GMDS: variants seen among roughly 807,000 people sequenced by gnomAD.
The protein encoded by GMDS is GDP-mannose 4,6-dehydratase.
GMDS carries 20 observed loss-of-function variants against 49.9 expected under a neutral mutation model. The observed-to-expected ratio is 0.40, with a 90% CI of 0.28 to 0.58. The LOEUF is 0.58. Ranked by LOEUF, GMDS falls within the 20% of genes least tolerant of loss-of-function variation. The probability of loss-of-function intolerance (pLI) is 0.42; values close to 1 mark genes in which losing one functional copy is unlikely to be tolerated. For synonymous variants in GMDS, 177 were observed against 178.6 expected, an observed-to-expected ratio of 0.99 and a Z score of 0.07; for missense variants, 362 against 481.4, an observed-to-expected ratio of 0.75 and a Z score of 2.32.
chr6:2,070,325 G>A (rs964207462), intron 4 of GMDS, among the ~76,000 whole-genome samples: 8 of 150,268 alleles, frequency 5.3e-5, no homozygotes, highest in South Asian at 2.1e-4. Flanking sequence ...GCTAGATGAC[G>A]AGTTAGTGGG....
intron 7 of GMDS, among the ~76,000 whole-genome samples, chr6:1,841,878 C>G (rs148332849): frequency 1.3e-3 from 200 of 152,304 alleles, no homozygotes; most frequent in African/African-American, 4.2e-3. Flanking sequence ...CTGGCCAGAA[C>G]GTCCTGCAAT....
chr6:2,143,506 T>C (rs1413265521), intron 1 of GMDS, among the ~76,000 whole-genome samples: 1 of 152,228 alleles, frequency 6.6e-6, no homozygotes, highest in African/African-American at 2.4e-5. Context: ...TACTTAAAAA[T>C]CAGCTTGATT....
rs1453022801 is a variant in GMDS, at chr6:1,742,578, C to G, written c.780G>C (p.Trp260Cys). ...CCGGCTCATCATTCTGCAACATCAA[C>G]CACATAGCCTAGAGGGAAAGAGAGG... ...GHAKDYVEAM[W>C]LMLQNDEPED... Residue 260 changes from tryptophan to cysteine, a missense_variant, in exon 8 of 11, where the codon TGG becomes TGC. Trp to Cys is a radical substitution (Grantham distance 215, BLOSUM62 -2). Coordinates refer to ENST00000380815, the MANE Select transcript of GMDS (RefSeq NM_001500.4). The G allele has an allele frequency of 6.3e-7, 1 of 1,581,086 alleles. No homozygotes were observed. Among genetic ancestry groups the G allele is most frequent in the Admixed American group, 1.7e-5 (1 of 59,904 alleles).
intron 7 of GMDS, among the ~76,000 whole-genome samples, chr6:1,881,790 G>A (rs777307836): frequency 6.6e-6 from 1 of 152,158 alleles, no homozygotes; most frequent in Non-Finnish European, 1.5e-5. Context: ...CTACTTTCCT[G>A]CAAGATGCAC....
rs913774051 is a variant in GMDS at position 2,042,435 on chromosome 6, C to A, written c.345+73336G>T. Among the ~76,000 whole-genome samples, 8 of 152,156 alleles carry A rather than the reference C, an allele frequency of 5.3e-5. No homozygotes were observed. In the East Asian group the frequency reaches 1.2e-3, roughly 22 times the overall value. ...CCACCTGCACTCAAACTCGTCCCCA[C>A]CCCATACCCTGGGCACCCTCCGTAG... On this transcript the variant is annotated intron_variant, in intron 4 of 10. Coordinates refer to ENST00000380815, the MANE Select transcript of GMDS (RefSeq NM_001500.4).
intron 7 of GMDS, among the ~76,000 whole-genome samples, chr6:1,782,861 A>C (rs1172680956): frequency 6.6e-6 from 1 of 152,244 alleles, no homozygotes; most frequent in Non-Finnish European, 1.5e-5. Flanking sequence ...CTGTCAAGAA[A>C]GGATCACAGA....
At chr6:2,008,336 C>T (rs1215081892) in intron 4 of GMDS, among the ~76,000 whole-genome samples, 1 of 152,148 alleles carries the variant, frequency 6.6e-6, no homozygotes, top group Non-Finnish European at 1.5e-5. Context: ...AAATATATGG[C>T]TTTGATTTAT....
chr6:1,784,405 A>G (rs199704131), intron 7 of GMDS, among the ~76,000 whole-genome samples: 3 of 151,498 alleles, frequency 2.0e-5, no homozygotes, highest in East Asian at 3.9e-4. Flanking sequence ...AAAAAAAAAA[A>G]AAAAAAAAAG....
chr6:1,999,668 T>A (rs953814040), intron 4 of GMDS, among the ~76,000 whole-genome samples: 5 of 149,952 alleles, frequency 3.3e-5, no homozygotes, highest in African/African-American at 1.2e-4. Flanking sequence ...TAAAAAAAAA[T>A]AAAATGAGAA....
At chr6:2,215,085 C>G (rs1055531401) in intron 1 of GMDS, among the ~76,000 whole-genome samples, 1 of 152,036 alleles carries the variant, frequency 6.6e-6, no homozygotes, top group Non-Finnish European at 1.5e-5. Context: ...CATCAATTTA[C>G]AGGAAATAAA....
chr6:1,830,498 A>G (rs1476801521), intron 7 of GMDS, among the ~76,000 whole-genome samples: 1 of 152,224 alleles, frequency 6.6e-6, no homozygotes, highest in African/African-American at 2.4e-5. Context: ...CCAACCACAG[A>G]GGATATAGTA....
intron 4 of GMDS, among the ~76,000 whole-genome samples, chr6:1,989,940 G>A (rs1176564737): frequency 6.6e-6 from 1 of 152,236 alleles, no homozygotes; most frequent in Non-Finnish European, 1.5e-5. Flanking sequence ...TGTAGAAGAT[G>A]GATACAAATA....
intron 1 of GMDS, among the ~76,000 whole-genome samples, chr6:2,208,364 G>A (rs919092566): frequency 6.6e-6 from 1 of 152,096 alleles, no homozygotes; most frequent in Non-Finnish European, 1.5e-5. Context: ...TCAATATTCC[G>A]TTTTACAGAT....
At position 2,053,448 on chromosome 6, in the gene GMDS, T is replaced by A. The variant is rs565733445; in HGVS notation, c.345+62323A>T. Among the ~76,000 whole-genome samples the A allele has an allele frequency of 2.3e-3, 351 of 152,246 alleles. 1 individual carries two copies. Among genetic ancestry groups the A allele is most frequent in the African/African-American group, 8.2e-3 (339 of 41,578 alleles). ...GGCATATACACAATGCAGCCTAGAA[T>A]GAGACATTTCAAAATTAAAGCTCTT... is the stretch of plus-strand genomic sequence containing the variant. On this transcript the variant is annotated intron_variant, in intron 4 of 10. Transcript: ENST00000380815.
chr6:1,733,907 C>T (rs528047385), intron 8 of GMDS, among the ~76,000 whole-genome samples: 1 of 151,650 alleles, frequency 6.6e-6, no homozygotes, highest in African/African-American at 2.4e-5. Flanking sequence ...GCAGCCTGAG[C>T]CTCTTGAGCA....
At chr6:2,023,216 T>C (rs527917934) in intron 4 of GMDS, among the ~76,000 whole-genome samples, 1 of 152,336 alleles carries the variant, frequency 6.6e-6, no homozygotes, top group African/African-American at 2.4e-5. Flanking sequence ...ATTACCTAGA[T>C]ATGTACTGTC....
At chr6:2,128,743 G>C (rs904423730) in intron 1 of GMDS, among the ~76,000 whole-genome samples, 6 of 152,170 alleles carry the variant, frequency 3.9e-5, no homozygotes, top group African/African-American at 1.4e-4. Context: ...TTCCATTACA[G>C]GGTATTTTAT....
chr6:2,184,211 T>C (rs182757546), intron 1 of GMDS, among the ~76,000 whole-genome samples: 12 of 152,310 alleles, frequency 7.9e-5, no homozygotes, highest in Admixed American at 1.3e-4. Context: ...GCCTGACTAC[T>C]GTAATAGCCT....
intron 7 of GMDS, among the ~76,000 whole-genome samples, chr6:1,847,490 C>T (rs375692257): frequency 3.5e-4 from 54 of 152,152 alleles, no homozygotes; most frequent in African/African-American, 1.2e-3. Context: ...GTTTTAAATA[C>T]CATCACCTCA....
Sources: gnomAD v4.1 joint callset for allele counts (sites outside exome capture counted in the v4.1 genomes callset) on GRCh38, gnomAD v4.1.1 for gene constraint, MANE v1.5 for transcripts, NCBI Gene and HGNC (gene_info 2026-07-23, HGNC 2026-07-21) for gene names.